The following SERF2 variants were observed in gnomAD, a reference collection of about 807,000 sequenced individuals.
SERF2 encodes small EDRK-rich factor 2.
SERF2 carries 4 observed loss-of-function variants against 10.7 expected under a neutral mutation model. The ratio of observed to expected loss-of-function variants is 0.37; its 90% confidence interval spans 0.18 to 0.86. SERF2 has a LOEUF of 0.86. Among genes scored for constraint, SERF2 ranks in the 40% least tolerant of loss-of-function variants. The pLI is 0.43. For missense variants in SERF2, 47 were observed against 79.1 expected (o/e 0.59, Z 1.54); for synonymous variants, 26 against 26.0 (o/e 1.00, Z 0.01).
At chr15:43,777,353 G>A in exon 1 of SERF2, 1 of 328,152 alleles carries the variant, frequency 3.0e-6, no homozygotes, top group East Asian at 8.5e-5. Context: ...CTGGTTGGTA[G>A]GCGGGCTCAG....
chr15:43,793,470 T>TAGGCCCA lies in SERF2; in HGVS notation c.117-238_117-237insGCCCAAG, dbSNP rs1289945056. ...GCTGGGTGTGGTCCTCAATACAGAA[T>TAGGCCCA]AGAGACCCTTGGGCCTGTGTCACCA... On this transcript the variant is annotated intron_variant, in intron 2 of 2. Coordinates refer to ENST00000249786, the MANE Select transcript of SERF2 (RefSeq NM_001018108.4). 2.6e-6 allele frequency: 3 copies of TAGGCCCA among 1,166,088 alleles called. No individual in the cohort carries two copies. In the Admixed American group the frequency reaches 8.7e-5, roughly 34 times the overall value. 72.2% of individuals were successfully genotyped at this position (1,166,088 alleles called of 1,614,324 possible).
At chr15:43,786,168 C>A (rs1327631683) in intron 2 of SERF2, among the ~76,000 whole-genome samples, 3 of 151,896 alleles carry the variant, frequency 2.0e-5, no homozygotes, top group Non-Finnish European at 4.4e-5. Flanking sequence ...GTAATCCCAG[C>A]ACTTTGGGAG....
At chr15:43,790,874 C>T (rs930479132), upstream of SERF2, among the ~76,000 whole-genome samples, 1 of 150,844 alleles carries the variant, frequency 6.6e-6, no homozygotes, top group Non-Finnish European at 1.5e-5. Flanking sequence ...CACGGTTCTC[C>T]GGCCTCAGCC....
In SERF2 at chr15:43,794,689, TC is replaced by T; in HGVS notation, c.*918del. On this transcript the variant is annotated 3_prime_UTR_variant, in exon 3 of 3. Coordinates refer to ENST00000249786, the MANE Select transcript of SERF2 (RefSeq NM_001018108.4). ...CTGTTGGTCTTTCCCCACCCCCACTTCCAGCCCAAGAGCCAGGAAAGGGCTG... is the reference window on the plus strand; with the variant it reads ...CTGTTGGTCTTTCCCCACCCCCACTTCAGCCCAAGAGCCAGGAAAGGGCTG... 1 of 285,762 alleles carries T rather than the reference TC, an allele frequency of 3.5e-6. No individual in the cohort carries two copies. 17.7% of individuals were successfully genotyped at this position (285,762 alleles called of 1,614,324 possible).
rs1468135273 is a variant in SERF2, at chr15:43,794,674, T to C, written c.*901T>C. ...CCGAGTCTTCAGTCCCTGTTGGTCT[T>C]TCCCCACCCCCACTTCCAGCCCAAG... On this transcript the variant is annotated 3_prime_UTR_variant, in exon 3 of 3. Coordinates refer to ENST00000249786, the MANE Select transcript of SERF2 (RefSeq NM_001018108.4). 7.3e-6 allele frequency: 2 copies of C among 272,632 alleles called. No homozygotes were observed. The highest frequency in any genetic ancestry group is 1.4e-5 in the Non-Finnish European group (2 of 142,532). The allele number at this position is 272,632 out of a possible 1,614,324, so 16.9% of individuals were successfully genotyped here.
At chr15:43,792,084 A>C (rs6493090), upstream of SERF2, 366,374 of 450,078 alleles carry the variant, frequency 0.81, 150,533 homozygotes, top group East Asian at 1. Flanking sequence ...TCCACCCCCA[A>C]CCTGCCCACG....
At chr15:43,788,976 C>G (rs949729691), upstream of SERF2, among the ~76,000 whole-genome samples, 1 of 151,870 alleles carries the variant, frequency 6.6e-6, no homozygotes, top group African/African-American at 2.4e-5. Context: ...GGTGTAACCC[C>G]GTCTCTACCA....
chr15:43,785,708 T>C (rs866466470), intron 2 of SERF2, among the ~76,000 whole-genome samples: 23 of 148,674 alleles, frequency 1.5e-4, no homozygotes, highest in Non-Finnish European at 2.2e-4. Flanking sequence ...CTTTTTCTTT[T>C]TTTTTTTTTT....
intron 1 of SERF2, 88 bp from the exon 2 acceptor site, chr15:43,792,887 T>G (rs1438367433): frequency 4.2e-6 from 4 of 952,296 alleles, no homozygotes; most frequent in Non-Finnish European, 6.5e-6. Context: ...TGGTGTTGGA[T>G]CCTGCTGCTG....
At position 43,793,099 on chromosome 15, in the gene SERF2, G is replaced by A. The variant is rs1416751438; in HGVS notation, c.116+16G>A. 1.9e-6 allele frequency: 3 copies of A among 1,539,300 alleles called. No individual in the cohort carries two copies. The highest frequency in any genetic ancestry group is 2.7e-6 in the Non-Finnish European group (3 of 1,113,352). ...GCAAGCAGAGGTAGCCCCAGGGAGG[G>A]GAGGGAAAGGGACGGTGGAGACCTG... On this transcript the variant is annotated intron_variant, in intron 2 of 2. Coordinates refer to ENST00000249786, the MANE Select transcript of SERF2 (RefSeq NM_001018108.4).
rs1273452730 is a variant in SERF2 at position 43,793,825 on chromosome 15, C to A, written c.*52C>A. On this transcript the variant is annotated 3_prime_UTR_variant, in exon 3 of 3. Transcript: ENST00000249786. ...TGCCCTTCGCCTGTGTGCCTGGAGC[C>A]AGTCCCACCACGCTCGCGTTTCCTC... is the stretch of plus-strand genomic sequence containing the variant. The A allele has an allele frequency of 3.1e-6, 5 of 1,613,874 alleles. No individual in the cohort carries two copies. The African/African-American group carries it at 6.7e-5, about 22-fold the overall frequency.
intron 1 of SERF2, among the ~76,000 whole-genome samples, chr15:43,779,457 T>C (rs1328214311): frequency 1.3e-5 from 2 of 152,136 alleles, no homozygotes; most frequent in Non-Finnish European, 2.9e-5. Context: ...ATTCAGGGAA[T>C]CTGTGAACTT....
At chr15:43,792,660 A>G in intron 1 of SERF2, 2 of 1,350,492 alleles carry the variant, frequency 1.5e-6, no homozygotes, top group Non-Finnish European at 1.9e-6. Flanking sequence ...CCCCCACTCC[A>G]CAAGCCAGCC....
At chr15:43,782,567 A>G (rs2086972726) in intron 1 of SERF2, among the ~76,000 whole-genome samples, 1 of 152,170 alleles carries the variant, frequency 6.6e-6, no homozygotes, top group African/African-American at 2.4e-5. Context: ...ATATGGCTCC[A>G]GAGCCCTCCA....
upstream of SERF2, among the ~76,000 whole-genome samples, chr15:43,788,477 A>G (rs1342083343): frequency 2.0e-5 from 3 of 151,934 alleles, no homozygotes. Context: ...CTGAGGTAAT[A>G]TTTATTTATT....
chr15:43,779,983 G>C (rs2086951696), intron 1 of SERF2, among the ~76,000 whole-genome samples: 1 of 152,080 alleles, frequency 6.6e-6, no homozygotes, highest in South Asian at 2.1e-4. Flanking sequence ...AGCACACTTT[G>C]TAATTATAAT....
intron 1 of SERF2, chr15:43,785,314 C>T (rs1439225971): frequency 2.0e-5 from 3 of 146,484 alleles, no homozygotes; most frequent in East Asian, 4.1e-4. Context: ...AATGATCCAC[C>T]TGCCTCAGCC....
In SERF2 at chr15:43,794,318, TAA is replaced by T. The variant is rs1410030945; in HGVS notation, c.*546_*547del. The T allele has an allele frequency of 2.2e-5, 5 of 229,336 alleles. No homozygotes were observed. Among genetic ancestry groups the T allele is most frequent in the Admixed American group, 1.6e-4 (3 of 18,830 alleles). 14.2% of individuals were successfully genotyped at this position (229,336 alleles called of 1,614,324 possible). A position where few individuals can be genotyped will look rare whatever the true frequency, so the allele number is the denominator to read the frequency against. The stretch of plus-strand genomic sequence containing the variant: ...CACCATCTCTAGGATGGAGTTGGCC[TAA>T]GAGTGAATGCTGCAAGATCTGTGTT... On this transcript the variant is annotated 3_prime_UTR_variant, in exon 3 of 3. Coordinates refer to ENST00000249786, the MANE Select transcript of SERF2 (RefSeq NM_001018108.4).
Position 43,793,977 on chromosome 15 carries a change from G to T in SERF2, c.*204G>T, listed in dbSNP as rs551831965. 1 of 1,522,534 alleles carries T rather than the reference G, an allele frequency of 6.6e-7. No homozygotes were observed. Among genetic ancestry groups the T allele is most frequent in the South Asian group, 1.2e-5 (1 of 82,630 alleles). 94.3% of individuals were successfully genotyped at this position (1,522,534 alleles called of 1,614,324 possible). On this transcript the variant is annotated 3_prime_UTR_variant, in exon 3 of 3. Transcript: ENST00000249786. ...CTGGGCCACTCCCGGGGGTGAGGGG[G>T]TTACCCCTTCCCAGTGTTTTTTATT... is the stretch of plus-strand genomic sequence containing the variant.
Sources: allele counts gnomAD v4.1 joint callset (sites outside exome capture counted in the v4.1 genomes callset), GRCh38; gene constraint gnomAD v4.1.1; transcripts MANE v1.5; gene names NCBI Gene and HGNC (gene_info 2026-07-23, HGNC 2026-07-21).